PSMF1: variants seen among roughly 807,000 people sequenced by gnomAD.
PSMF1 encodes proteasome inhibitor subunit 1.
Under a neutral mutation model 29.3 loss-of-function variants are expected in PSMF1, and 30 were observed. The ratio of observed to expected loss-of-function variants is 1.02; its 90% confidence interval spans 0.77 to 1.39. PSMF1 has a LOEUF of 1.39. Among genes scored for constraint, PSMF1 ranks in the 40% most tolerant of loss-of-function variants. The pLI, the probability that PSMF1 is intolerant of heterozygous loss-of-function variation, is 0.00. For synonymous variants in PSMF1, 134 were observed against 139.7 expected (o/e 0.96, Z 0.29); for missense variants, 344 against 357.5 (o/e 0.96, Z 0.31).
rs981922398 is a variant in PSMF1, at chr20:1,170,567, G to A, written c.*5487G>A. ...GTACCAGAAAAGGAAGGATTGGGAA[G>A]GTCCAGTAATTTGCTCAGGGTCAAG... is the stretch of plus-strand genomic sequence containing the variant. On this transcript the variant is annotated 3_prime_UTR_variant, in exon 7 of 7. Coordinates refer to ENST00000335877, the MANE Select transcript of PSMF1 (RefSeq NM_006814.5). Among the ~76,000 whole-genome samples, 7 of 151,974 alleles carry A rather than the reference G, an allele frequency of 4.6e-5. No homozygotes were observed. Among genetic ancestry groups the A allele is most frequent in the African/African-American group, 1.7e-4 (7 of 41,298 alleles).
At chr20:1,130,455 G>C (rs1451703006) in intron 3 of PSMF1, among the ~76,000 whole-genome samples, 1 of 152,088 alleles carries the variant, frequency 6.6e-6, no homozygotes, top group Non-Finnish European at 1.5e-5. Context: ...CCGCATCCCT[G>C]TGCTTCAGCC....
intron 4 of PSMF1, among the ~76,000 whole-genome samples, chr20:1,158,806 C>T (rs972990127): frequency 2.6e-5 from 4 of 152,150 alleles, no homozygotes; most frequent in African/African-American, 4.8e-5. Context: ...TACCTGGAGC[C>T]TCATTTAGCA....
chr20:1,157,588 TTA>T (rs2086609927), intron 4 of PSMF1, among the ~76,000 whole-genome samples: 4 of 151,582 alleles, frequency 2.6e-5, no homozygotes, highest in Non-Finnish European at 4.4e-5. Context: ...GCTTTCTTAA[TTA>T]AGTGTATGCA....
At chr20:1,139,845 A>AAATT (rs1600155345) in intron 4 of PSMF1, among the ~76,000 whole-genome samples, 1 of 152,228 alleles carries the variant, frequency 6.6e-6, no homozygotes, top group East Asian at 1.9e-4. Flanking sequence ...CCCCCAAAAG[A>AAATT]ATATAATACG....
chr20:1,127,441 C>A lies in PSMF1; in HGVS notation c.298C>A (p.Gln100Lys). 6.2e-7 allele frequency: 1 copy of A among 1,605,310 alleles called. No homozygotes were observed. The highest frequency in any genetic ancestry group is 8.5e-7 in the Non-Finnish European group (1 of 1,171,938). ...ACCCATCTAGGAATATGGCTCACAG[C>A]AAGTGGCAGACTTGACCCTGAACTT... ...ILNVLEYGSQ[Q>K]VADLTLNLDD... The change falls in exon 3 of 7, where the codon CAA becomes AAA. Residue 100 changes from glutamine (Q) to lysine (K), a missense_variant. Physicochemically the swap from Gln to Lys is moderately conservative, Grantham distance 53. Transcript: ENST00000335877.
intron 4 of PSMF1, among the ~76,000 whole-genome samples, chr20:1,144,688 G>A (rs1311159446): frequency 6.6e-6 from 1 of 152,192 alleles, no homozygotes; most frequent in Non-Finnish European, 1.5e-5. Flanking sequence ...GTCACATATT[G>A]TGTGATTCCA....
intron 4 of PSMF1, among the ~76,000 whole-genome samples, chr20:1,140,755 C>A (rs2086370758): frequency 6.6e-6 from 1 of 152,020 alleles, no homozygotes; most frequent in Non-Finnish European, 1.5e-5. Context: ...TACGACTGAA[C>A]AATACAAAAG....
Position 1,165,795 on chromosome 20 carries a change from G to A in PSMF1, c.*715G>A, listed in dbSNP as rs889018559. The A allele has an allele frequency of 2.9e-6, 3 of 1,033,542 alleles. No homozygotes were observed. Among genetic ancestry groups the A allele is most frequent in the African/African-American group, 3.4e-5 (2 of 59,550 alleles). 64.0% of individuals were successfully genotyped at this position (1,033,542 alleles called of 1,614,324 possible). ...ATTCCTGTCTGGGCCAGTTTTGTAG[G>A]TCCATCTGTGCATGGGCAGCAGTAG... is the stretch of plus-strand genomic sequence containing the variant. On this transcript the variant is annotated 3_prime_UTR_variant, in exon 7 of 7. Coordinates refer to ENST00000335877, the MANE Select transcript of PSMF1 (RefSeq NM_006814.5).
Position 1,125,686 on chromosome 20 carries a change from T to C in PSMF1, c.282+36T>C, listed in dbSNP as rs758234489. ...GGGACACGTGAGTCTGCTGATGAGA[T>C]GGGGATAGGAATGGCTGTTTTGAAA... On this transcript the variant is annotated intron_variant, in intron 2 of 6. Coordinates refer to ENST00000335877, the MANE Select transcript of PSMF1 (RefSeq NM_006814.5). 17 of 1,595,652 alleles carry C rather than the reference T, an allele frequency of 1.1e-5. No individual in the cohort carries two copies. In the East Asian group the frequency reaches 3.1e-4, roughly 29 times the overall value.
In PSMF1 at chr20:1,163,518, C is replaced by T. The variant is rs1204455112; in HGVS notation, c.605+335C>T. The stretch of plus-strand genomic sequence containing the variant: ...AGCTCAGGGCTATTCAGAGGTTGCC[C>T]CACTTAATAAAGGGAGTCTCTGAGC... On this transcript the variant is annotated intron_variant, in intron 5 of 6. Coordinates refer to ENST00000335877, the MANE Select transcript of PSMF1 (RefSeq NM_006814.5). The surrounding 1 kb of genome is among the most constrained non-coding windows in gnomAD (Gnocchi z 6.1). Among the ~76,000 whole-genome samples, 1 of 152,154 alleles carries T rather than the reference C, an allele frequency of 6.6e-6. No individual in the cohort carries two copies. The highest frequency in any genetic ancestry group is 2.4e-5 in the African/African-American group (1 of 41,434).
At chr20:1,119,177 G>C (rs747969948) in intron 1 of PSMF1, among the ~76,000 whole-genome samples, 8 of 152,196 alleles carry the variant, frequency 5.3e-5, no homozygotes, top group Admixed American at 2.0e-4. Flanking sequence ...GGCCAGGACT[G>C]TGTGGATCTA....
intron 4 of PSMF1, chr20:1,161,300 T>G (rs2086664371): frequency 3.2e-6 from 1 of 314,844 alleles, no homozygotes; most frequent in Non-Finnish European, 6.1e-6. Context: ...ACAAACTGCC[T>G]GACAGCCAGG....
At chr20:1,150,179 C>CAA (rs1164150737) in intron 4 of PSMF1, among the ~76,000 whole-genome samples, 20 of 111,960 alleles carry the variant, frequency 1.8e-4, no homozygotes, top group African/African-American at 3.0e-4. Flanking sequence ...GACCCTGTCT[C>CAA]AAAAAAAAAA....
intron 4 of PSMF1, chr20:1,161,104 C>T (rs1175332177): frequency 8.6e-6 from 4 of 465,240 alleles, no homozygotes; most frequent in South Asian, 8.4e-5. Context: ...CGCCATCCTG[C>T]GTCTGGACCT....
chr20:1,143,598 G>A (rs1260440492), intron 4 of PSMF1, among the ~76,000 whole-genome samples: 5 of 152,174 alleles, frequency 3.3e-5, no homozygotes, highest in Non-Finnish European at 5.9e-5. Flanking sequence ...AGCACTAAAT[G>A]CACAGTGTTT....
chr20:1,139,226 T>C (rs2086349528), intron 4 of PSMF1, among the ~76,000 whole-genome samples: 1 of 152,108 alleles, frequency 6.6e-6, no homozygotes, highest in South Asian at 2.1e-4. Flanking sequence ...AAGGGAATTT[T>C]CTAAAGCCAA....
In PSMF1 at chr20:1,148,775, C is replaced by G. The variant is rs540106236; in HGVS notation, c.551+13469C>G. ...TATTAGGTTTTTTTTTCTTTTACTT[C>G]CTTGAGTTATATTACTTACACTGGA... is the stretch of plus-strand genomic sequence containing the variant. On this transcript the variant is annotated intron_variant, in intron 4 of 6. Coordinates refer to ENST00000335877, the MANE Select transcript of PSMF1 (RefSeq NM_006814.5). Among the ~76,000 whole-genome samples, 5 of 151,686 alleles carry G rather than the reference C, an allele frequency of 3.3e-5. No individual in the cohort carries two copies. The East Asian group carries it at 7.8e-4, about 24-fold the overall frequency.
chr20:1,132,969 G>GTTT lies in PSMF1; in HGVS notation c.366-2139_366-2137dup, dbSNP rs60189289. Among the ~76,000 whole-genome samples, 1,028 of 134,066 alleles carry GTTT rather than the reference G, an allele frequency of 7.7e-3. 18 individuals carry two copies. The highest frequency in any genetic ancestry group is 0.023 in the African/African-American group (823 of 35,900). The allele number at this position is 134,066 out of a possible 152,430, so 88.0% of individuals were successfully genotyped here. A position where few individuals can be genotyped will look rare whatever the true frequency, so the allele number is the denominator to read the frequency against. ...AATTCAAGGTGTTTAGGGTTTTTTT[G>GTTT]TTTTTTTTTTTTTTTGGTAGATTCC... On this transcript the variant is annotated intron_variant, in intron 3 of 6. Coordinates refer to ENST00000335877, the MANE Select transcript of PSMF1 (RefSeq NM_006814.5).
At position 1,164,938 on chromosome 20, in the gene PSMF1, A is replaced by G; in HGVS notation, c.765-91A>G. 1 of 1,123,108 alleles carries G rather than the reference A, an allele frequency of 8.9e-7. No homozygotes were observed. The highest frequency in any genetic ancestry group is 1.3e-6 in the Non-Finnish European group (1 of 742,902). 69.6% of individuals were successfully genotyped at this position (1,123,108 alleles called of 1,614,324 possible). The stretch of plus-strand genomic sequence containing the variant: ...TCCTCACACCGCCACATCATGTTGA[A>G]GGGCAGGCTCCCTCAGTGCAGGGTC... On this transcript the variant is annotated intron_variant, in intron 6 of 6. Coordinates refer to ENST00000335877, the MANE Select transcript of PSMF1 (RefSeq NM_006814.5). The surrounding 1 kb of genome is among the most constrained non-coding windows in gnomAD (Gnocchi z 4.1).
Sources: gnomAD v4.1 joint callset for allele counts (sites outside exome capture counted in the v4.1 genomes callset) on GRCh38, gnomAD v4.1.1 for gene constraint, Gnocchi (gnomAD v3.1) non-coding constraint, MANE v1.5 for transcripts, NCBI Gene and HGNC (gene_info 2026-07-23, HGNC 2026-07-21) for gene names.